The following REC114 variants were observed in gnomAD, a reference collection of about 807,000 sequenced individuals.
The protein encoded by REC114 is meiotic recombination protein REC114.
Under a neutral mutation model 31.3 loss-of-function variants are expected in REC114, and 27 were observed. The ratio of observed to expected loss-of-function variants is 0.86; its 90% confidence interval spans 0.64 to 1.19. The LOEUF (loss-of-function observed/expected upper bound fraction) is 1.19. Ranked by LOEUF, REC114 falls within the 50% of genes most tolerant of loss-of-function variation. The pLI is 0.00. For synonymous variants in REC114, 134 were observed against 127.7 expected (o/e 1.05, Z -0.33); for missense variants, 344 against 326.9 (o/e 1.05, Z -0.40).
chr15:73,507,868 C>T (rs1225583335), intron 2 of REC114, among the ~76,000 whole-genome samples: 1 of 152,062 alleles, frequency 6.6e-6, no homozygotes, highest in African/African-American at 2.4e-5. Context: ...TGTTCAATCT[C>T]AGTAGCAATC....
chr15:73,517,519 A>G (rs1009807988), intron 2 of REC114, among the ~76,000 whole-genome samples: 1 of 151,992 alleles, frequency 6.6e-6, no homozygotes, highest in African/African-American at 2.4e-5. Flanking sequence ...TTTAGAAGTG[A>G]GGGGGGGAAA....
chr15:73,541,081 G>A (rs1307561983), intron 3 of REC114, among the ~76,000 whole-genome samples: 1 of 152,130 alleles, frequency 6.6e-6, no homozygotes, highest in East Asian at 1.9e-4. Context: ...AACATTCATG[G>A]AGTAGATAAT....
At chr15:73,521,823 A>G (rs1364166800) in intron 2 of REC114, among the ~76,000 whole-genome samples, 1 of 152,246 alleles carries the variant, frequency 6.6e-6, no homozygotes, top group African/African-American at 2.4e-5. Flanking sequence ...TCTGTTATTT[A>G]AAACCTTTCC....
At chr15:73,519,685 A>G (rs1006207645) in intron 2 of REC114, among the ~76,000 whole-genome samples, 7 of 152,264 alleles carry the variant, frequency 4.6e-5, no homozygotes, top group Admixed American at 2.0e-4. Flanking sequence ...ACTCATATTC[A>G]TCGCAGATTA....
At chr15:73,475,945 G>A (rs1179703739) in intron 2 of REC114, among the ~76,000 whole-genome samples, 2 of 152,132 alleles carry the variant, frequency 1.3e-5, no homozygotes, top group Non-Finnish European at 2.9e-5. Context: ...TCTATGCTTA[G>A]ATATACACAT....
At chr15:73,517,873 G>A (rs1320737750) in intron 2 of REC114, among the ~76,000 whole-genome samples, 1 of 152,190 alleles carries the variant, frequency 6.6e-6, no homozygotes, top group African/African-American at 2.4e-5. Context: ...GTAAAAGAAT[G>A]AACAAGGGAA....
At chr15:73,492,553 A>G (rs775068566) in intron 2 of REC114, among the ~76,000 whole-genome samples, 5 of 152,196 alleles carry the variant, frequency 3.3e-5, no homozygotes, top group Non-Finnish European at 7.3e-5. Flanking sequence ...ATTAACATGC[A>G]TATGAATTAT....
chr15:73,543,935 T>C (rs373782737), intron 3 of REC114, among the ~76,000 whole-genome samples: 53 of 147,908 alleles, frequency 3.6e-4, no homozygotes, highest in African/African-American at 1.2e-3. Context: ...CTCTGTCTGT[T>C]AACTGGCTTT....
chr15:73,525,043 G>A (rs1223573261), intron 2 of REC114, among the ~76,000 whole-genome samples: 2 of 152,228 alleles, frequency 1.3e-5, no homozygotes, highest in Admixed American at 6.5e-5. Flanking sequence ...CTAGAAAGAG[G>A]TGGAAGTGGT....
chr15:73,445,043 G>A (rs1892746924), intron 1 of REC114, among the ~76,000 whole-genome samples: 1 of 152,160 alleles, frequency 6.6e-6, no homozygotes, highest in East Asian at 1.9e-4. Flanking sequence ...AGTAAACCAT[G>A]CTATAAACAA....
At chr15:73,446,633 C>CT (rs1177365152) in intron 1 of REC114, among the ~76,000 whole-genome samples, 3 of 150,134 alleles carry the variant, frequency 2.0e-5, no homozygotes, top group Admixed American at 1.3e-4. Context: ...GAGCAAGACT[C>CT]TGTCTCAAAA....
intron 2 of REC114, among the ~76,000 whole-genome samples, chr15:73,504,935 C>CTT (rs1027217534): frequency 2.0e-5 from 3 of 152,108 alleles, no homozygotes; most frequent in Non-Finnish European, 4.4e-5. Flanking sequence ...CAATAATAAA[C>CTT]TTGCATCCTC....
rs576220896 is a variant in REC114 at position 73,556,524 on chromosome 15, G to A, written c.636+133G>A. The A allele has an allele frequency of 1.5e-4, 108 of 740,780 alleles. No homozygotes were observed. In the East Asian group the frequency reaches 2.9e-3, roughly 20 times the overall value. 45.9% of individuals were successfully genotyped at this position (740,780 alleles called of 1,614,324 possible). On this transcript the variant is annotated intron_variant, in intron 5 of 5. Transcript: ENST00000331090. ...ATTACTCTAAAAGGTGATAGAGACA[G>A]AGACGGGCCATTTTCATCTACCCCT...
At chr15:73,539,634 T>C (rs1180687608) in intron 2 of REC114, among the ~76,000 whole-genome samples, 1 of 151,800 alleles carries the variant, frequency 6.6e-6, no homozygotes, top group Non-Finnish European at 1.5e-5. Flanking sequence ...TTTTAAGAGT[T>C]GGGGATTTCT....
chr15:73,508,859 G>A lies in REC114; in HGVS notation c.250-31626G>A, dbSNP rs1456000613. 2.6e-5 allele frequency among the ~76,000 whole-genome samples: 4 copies of A among 151,490 alleles called. No individual in the cohort carries two copies. In the East Asian group the frequency reaches 7.7e-4, roughly 29 times the overall value. ...CAATCTATCATTGTTGGACATTTGG[G>A]TTGGTTCCAAGTCTTTGCTATTGTG... is the stretch of plus-strand genomic sequence containing the variant. On this transcript the variant is annotated intron_variant, in intron 2 of 5. Transcript: ENST00000331090.
At chr15:73,450,851 A>C (rs781545321) in intron 1 of REC114, among the ~76,000 whole-genome samples, 2 of 152,242 alleles carry the variant, frequency 1.3e-5, no homozygotes, top group Admixed American at 6.5e-5. Context: ...CCGCACAACT[A>C]CATGGAAACT....
chr15:73,459,527 C>T lies in REC114; in HGVS notation c.160-14305C>T, dbSNP rs75083953. Reference sequence around the variant, plus strand: ...GATTACAGGCATGAGCCACCGCGCCCGGCCCTAATTAAATATGCTTCTAAA... The same window carrying T: ...GATTACAGGCATGAGCCACCGCGCCTGGCCCTAATTAAATATGCTTCTAAA... On this transcript the variant is annotated intron_variant, in intron 1 of 5. Transcript: ENST00000331090. Among the ~76,000 whole-genome samples the T allele has an allele frequency of 3.5e-3, 526 of 152,232 alleles. 2 individuals are homozygous for T. The highest frequency in any genetic ancestry group is 5.5e-3 in the Non-Finnish European group (374 of 68,020).
intron 1 of REC114, among the ~76,000 whole-genome samples, chr15:73,456,030 T>C (rs1189295565): frequency 6.6e-6 from 1 of 152,166 alleles, no homozygotes; most frequent in Non-Finnish European, 1.5e-5. Flanking sequence ...GGTAAGGCAA[T>C]CAGATTCATA....
chr15:73,550,804 C>A, intron 3 of REC114, 134 bp from the exon 4 acceptor site: 1 of 753,546 alleles, frequency 1.3e-6, no homozygotes, highest in Non-Finnish European at 2.2e-6. Flanking sequence ...ATGCCTGCAT[C>A]AATAAGTGAA....
Sources: gnomAD v4.1 joint callset for allele counts (sites outside exome capture counted in the v4.1 genomes callset) on GRCh38, gnomAD v4.1.1 for gene constraint, MANE v1.5 for transcripts, NCBI Gene and HGNC (gene_info 2026-07-23, HGNC 2026-07-21) for gene names.